Variants in NARS2 observed in about 807,000 individuals in gnomAD.
NARS2 encodes the protein asparaginyl-tRNA synthetase.
A neutral mutation model predicts 62.9 loss-of-function variants in NARS2; 60 were observed. The observed-to-expected ratio is 0.95, with a 90% CI of 0.77 to 1.18. The LOEUF (loss-of-function observed/expected upper bound fraction) is 1.18, where lower values mean the gene tolerates loss of function less well. Ranked by LOEUF, NARS2 falls within the 50% of genes most tolerant of loss-of-function variation. The probability of loss-of-function intolerance (pLI) is 0.00; values close to 1 mark genes in which losing one functional copy is unlikely to be tolerated. For missense variants in NARS2, 619 were observed against 576.4 expected, an observed-to-expected ratio of 1.07 and a Z score of -0.76; for synonymous variants, 196 against 200.0, an observed-to-expected ratio of 0.98 and a Z score of 0.17.
At chr11:78,512,492 G>A (rs1860754921) in intron 6 of NARS2, among the ~76,000 whole-genome samples, 1 of 152,132 alleles carries the variant, frequency 6.6e-6, no homozygotes, top group African/African-American at 2.4e-5. Flanking sequence ...GGCTTTACAT[G>A]GTATCCAATG....
At chr11:78,563,141 C>T (rs1185481821) in intron 4 of NARS2, among the ~76,000 whole-genome samples, 1 of 151,672 alleles carries the variant, frequency 6.6e-6, no homozygotes, top group African/African-American at 2.4e-5. Context: ...TTTATTACTA[C>T]TCAAAAAGTG....
chr11:78,549,521 G>A (rs1386864151), intron 5 of NARS2, among the ~76,000 whole-genome samples: 1 of 152,176 alleles, frequency 6.6e-6, no homozygotes, highest in Non-Finnish European at 1.5e-5. Flanking sequence ...GGTGATAAAG[G>A]CTAAACTGTA....
chr11:78,443,416 TC>T (rs985699294), intron 12 of NARS2, among the ~76,000 whole-genome samples: 2 of 152,130 alleles, frequency 1.3e-5, no homozygotes, highest in African/African-American at 4.8e-5. Flanking sequence ...AAAGCTACTT[TC>T]CATAGGGAAA....
At chr11:78,492,387 T>C (rs978591420) in intron 7 of NARS2, among the ~76,000 whole-genome samples, 1 of 152,206 alleles carries the variant, frequency 6.6e-6, no homozygotes, top group South Asian at 2.1e-4. Flanking sequence ...TAAATCATTG[T>C]TCATATTGCT....
intron 7 of NARS2, among the ~76,000 whole-genome samples, chr11:78,481,702 A>G (rs1328963930): frequency 1.3e-5 from 2 of 152,226 alleles, no homozygotes; most frequent in African/African-American, 2.4e-5. Context: ...TTGTACTATA[A>G]CAGCAATACC....
chr11:78,523,076 C>G (rs1353640838), intron 6 of NARS2, among the ~76,000 whole-genome samples: 1 of 152,058 alleles, frequency 6.6e-6, no homozygotes, highest in Non-Finnish European at 1.5e-5. Context: ...AAAGAACTCT[C>G]AAAACTCAAT....
rs189451503 is a variant in NARS2, at chr11:78,454,820, T to C, written c.1164+11056A>G. ...TTTTTAGTAGAGACAGGTTTCACCA[T>C]GTTGGCCAGGCTGGTCTCGAACTCC... On this transcript the variant is annotated intron_variant, in intron 11 of 13. Transcript: ENST00000281038. Among the ~76,000 whole-genome samples, 262 of 152,240 alleles carry C rather than the reference T, an allele frequency of 1.7e-3. 1 individual carries two copies. Among genetic ancestry groups the C allele is most frequent in the Middle Eastern group, 6.8e-3 (2 of 292 alleles).
At chr11:78,473,435 A>G (rs1434815085) in intron 9 of NARS2, among the ~76,000 whole-genome samples, 1 of 152,098 alleles carries the variant, frequency 6.6e-6, no homozygotes, top group Non-Finnish European at 1.5e-5. Flanking sequence ...TTCCCTGTGT[A>G]TTTGGAGTGT....
chr11:78,477,617 T>C (rs778434762), intron 9 of NARS2, among the ~76,000 whole-genome samples: 25 of 152,234 alleles, frequency 1.6e-4, no homozygotes, highest in Non-Finnish European at 3.1e-4. Context: ...AATAGTATTC[T>C]GAATGCTTCT....
In NARS2 at chr11:78,444,074, A is replaced by C. The variant is rs147174578; in HGVS notation, c.1165-316T>G. The C allele has an allele frequency of 3.3e-3, 593 of 181,514 alleles. 3 individuals are homozygous for C. Among genetic ancestry groups the C allele is most frequent in the African/African-American group, 0.013 (575 of 42,638 alleles). The allele number at this position is 181,514 out of a possible 1,614,324, so 11.2% of individuals were successfully genotyped here. ...ATTACATTTTTGTGGATTTCCTTTC[A>C]AATTTTTTCCCTTATACATTTATAA... On this transcript the variant is annotated intron_variant, in intron 11 of 13. Transcript: ENST00000281038.
At chr11:78,552,129 C>T (rs999488241) in intron 5 of NARS2, among the ~76,000 whole-genome samples, 3 of 152,162 alleles carry the variant, frequency 2.0e-5, no homozygotes, top group African/African-American at 7.2e-5. Flanking sequence ...ATCTTTTCCG[C>T]TCTTCTCCCT....
intron 6 of NARS2, among the ~76,000 whole-genome samples, chr11:78,502,133 CAG>C (rs1478305450): frequency 2.0e-5 from 3 of 152,156 alleles, no homozygotes; most frequent in Admixed American, 6.5e-5. Flanking sequence ...TCTATAAAAA[CAG>C]AAAGCAGAAA....
chr11:78,540,897 G>A (rs1000128079), intron 5 of NARS2, among the ~76,000 whole-genome samples: 6 of 151,936 alleles, frequency 3.9e-5, no homozygotes, highest in Non-Finnish European at 5.9e-5. Flanking sequence ...ATTTTTTCAC[G>A]CCTGTAATCC....
At chr11:78,482,748 C>A (rs573155801) in intron 7 of NARS2, among the ~76,000 whole-genome samples, 23 of 152,230 alleles carry the variant, frequency 1.5e-4, no homozygotes, top group African/African-American at 5.5e-4. Context: ...AGACAGTAAT[C>A]AATAGCCTAC....
chr11:78,542,091 T>G (rs1289379529), intron 5 of NARS2, among the ~76,000 whole-genome samples: 1 of 152,194 alleles, frequency 6.6e-6, no homozygotes, highest in Non-Finnish European at 1.5e-5. Context: ...AAATAATCTT[T>G]CTTAAAATAA....
intron 11 of NARS2, among the ~76,000 whole-genome samples, chr11:78,455,983 C>T (rs1383461862): frequency 6.6e-6 from 1 of 152,008 alleles, no homozygotes; most frequent in Non-Finnish European, 1.5e-5. Flanking sequence ...AAAATTTAAT[C>T]TTTGTTAATC....
chr11:78,499,826 T>C (rs1206654545), intron 6 of NARS2, among the ~76,000 whole-genome samples: 1 of 152,212 alleles, frequency 6.6e-6, no homozygotes, highest in Non-Finnish European at 1.5e-5. Flanking sequence ...GAAAATAACA[T>C]TATTTGAAAA....
intron 6 of NARS2, 151 bp downstream of exon 6, chr11:78,528,691 G>C (rs1861379608): frequency 1.7e-6 from 1 of 594,784 alleles, no homozygotes; most frequent in Non-Finnish European, 2.9e-6. Flanking sequence ...ACAAAAGTCT[G>C]TACTACAAGT....
At chr11:78,439,880 G>T (rs1857523075) in intron 13 of NARS2, among the ~76,000 whole-genome samples, 1 of 152,210 alleles carries the variant, frequency 6.6e-6, no homozygotes, top group African/African-American at 2.4e-5. Flanking sequence ...TGAAGAAAAA[G>T]TCTGCATAAG....
Sources: allele counts gnomAD v4.1 joint callset (sites outside exome capture counted in the v4.1 genomes callset), GRCh38; gene constraint gnomAD v4.1.1; transcripts MANE v1.5; gene names NCBI Gene and HGNC (gene_info 2026-07-23, HGNC 2026-07-21).